HECW1: variants seen among roughly 807,000 people sequenced by gnomAD.
HECW1 encodes the protein E3 ubiquitin-protein ligase HECW1.
A neutral mutation model predicts 182.3 loss-of-function variants in HECW1; 61 were observed. The ratio of observed to expected loss-of-function variants is 0.33; its 90% CI spans 0.27 to 0.41. The LOEUF is 0.41. Ranked by LOEUF, HECW1 falls within the 10% of genes least tolerant of loss-of-function variation. The probability of loss-of-function intolerance (pLI) is 1.00; values close to 1 mark genes in which losing one functional copy is unlikely to be tolerated. For missense variants in HECW1, 1,739 were observed against 2,108.9 expected (o/e 0.82, Z 3.44); for synonymous variants, 859 against 832.6 (o/e 1.03, Z -0.55).
At chr7:43,340,714 G>A (rs144558734) in intron 5 of HECW1, among the ~76,000 whole-genome samples, 4,889 of 151,820 alleles carry the variant, frequency 0.032, 414 homozygotes, top group African/African-American at 0.11. Flanking sequence ...GTTGGTGGGA[G>A]TGTAAACTAG....
intron 2 of HECW1, among the ~76,000 whole-genome samples, chr7:43,131,562 T>G (rs901721887): frequency 1.3e-5 from 2 of 152,228 alleles, no homozygotes; most frequent in Non-Finnish European, 2.9e-5. Context: ...ATAGAAATGA[T>G]TCTCAAAAGC....
At chr7:43,320,968 C>T (rs1810041069) in intron 5 of HECW1, among the ~76,000 whole-genome samples, 1 of 152,174 alleles carries the variant, frequency 6.6e-6, no homozygotes, top group South Asian at 2.1e-4. Context: ...CCTTTAATAC[C>T]AAGAAAGAGT....
intron 5 of HECW1, among the ~76,000 whole-genome samples, chr7:43,333,346 C>T (rs1811728785): frequency 6.6e-6 from 1 of 152,216 alleles, no homozygotes; most frequent in South Asian, 2.1e-4. Flanking sequence ...GAGAAAGTCA[C>T]ATTAAAAGAA....
At chr7:43,187,414 AT>A (rs1417133736) in intron 2 of HECW1, among the ~76,000 whole-genome samples, 1 of 152,110 alleles carries the variant, frequency 6.6e-6, no homozygotes. Context: ...ACATACCATA[AT>A]TTTGGGTAAC....
At chr7:43,526,740 C>T (rs2080772074) in intron 24 of HECW1, among the ~76,000 whole-genome samples, 1 of 152,162 alleles carries the variant, frequency 6.6e-6, no homozygotes, top group Non-Finnish European at 1.5e-5. Context: ...GTGGCTCACG[C>T]CTGTAATCCC....
chr7:43,130,001 T>G (rs142121411), intron 2 of HECW1, among the ~76,000 whole-genome samples: 113 of 152,326 alleles, frequency 7.4e-4, no homozygotes, highest in African/African-American at 2.6e-3. Flanking sequence ...CAATCTGCAG[T>G]TGGTTGAATC....
intron 3 of HECW1, among the ~76,000 whole-genome samples, chr7:43,290,353 T>C (rs1805245652): frequency 6.6e-6 from 1 of 152,262 alleles, no homozygotes; most frequent in African/African-American, 2.4e-5. Context: ...AAAGCCTGTT[T>C]AATGAGATTT....
intron 2 of HECW1, among the ~76,000 whole-genome samples, chr7:43,122,803 T>C (rs1785770349): frequency 6.6e-6 from 1 of 152,134 alleles, no homozygotes; most frequent in Admixed American, 6.5e-5. Context: ...TAAAAATAAG[T>C]CCTATATATC....
At chr7:43,387,011 CA>C (rs1157666034) in intron 6 of HECW1, among the ~76,000 whole-genome samples, 1 of 152,184 alleles carries the variant, frequency 6.6e-6, no homozygotes, top group Non-Finnish European at 1.5e-5. Context: ...GTGTGTATTT[CA>C]AATAGAGTCT....
chr7:43,338,243 T>G (rs1055981535), intron 5 of HECW1, among the ~76,000 whole-genome samples: 2 of 152,190 alleles, frequency 1.3e-5, no homozygotes, highest in African/African-American at 4.8e-5. Context: ...TGGGATAGGC[T>G]TAGAAAGTAC....
At chr7:43,337,977 A>C in intron 5 of HECW1, among the ~76,000 whole-genome samples, 1 of 152,254 alleles carries the variant, frequency 6.6e-6, no homozygotes, top group East Asian at 1.9e-4. Context: ...ATGGCCTGGC[A>C]TATTTATGTG....
chr7:43,463,319 T>C (rs2077651138), intron 13 of HECW1, among the ~76,000 whole-genome samples: 1 of 152,228 alleles, frequency 6.6e-6, no homozygotes, highest in South Asian at 2.1e-4. Flanking sequence ...ATCTTAGTTG[T>C]AGCATTTTAA....
intron 11 of HECW1, among the ~76,000 whole-genome samples, chr7:43,449,799 G>C (rs1277436425): frequency 1.3e-5 from 2 of 152,042 alleles, no homozygotes; most frequent in African/African-American, 4.8e-5. Flanking sequence ...TGAAAAAAGG[G>C]CCATCCTTTG....
At position 43,543,527 on chromosome 7, in the gene HECW1, C is replaced by T. The variant is rs527623270; in HGVS notation, c.4248+1529C>T. ...GGCACGGTGGCTCACGCCTGTAATCCCAGCACTTTGGAAGGCTGAGGTGGG... is the reference window on the plus strand; with the variant it reads ...GGCACGGTGGCTCACGCCTGTAATCTCAGCACTTTGGAAGGCTGAGGTGGG... On this transcript the variant is annotated intron_variant, in intron 26 of 29. Transcript: ENST00000395891. Among the ~76,000 whole-genome samples the T allele has an allele frequency of 1.9e-4, 29 of 152,150 alleles. 2 individuals carry two copies. In the South Asian group the frequency reaches 6.0e-3, roughly 32 times the overall value.
At chr7:43,537,707 T>C (rs929722147) in intron 24 of HECW1, among the ~76,000 whole-genome samples, 25 of 152,228 alleles carry the variant, frequency 1.6e-4, no homozygotes, top group African/African-American at 6.0e-4. Flanking sequence ...TATTTTATGG[T>C]ATATATGGGA....
intron 2 of HECW1, among the ~76,000 whole-genome samples, chr7:43,157,573 T>C (rs573888737): frequency 2.6e-5 from 4 of 152,198 alleles, no homozygotes; most frequent in African/African-American, 9.7e-5. Context: ...TTTTCTTTCT[T>C]TTTTTGAGAC....
chr7:43,144,488 A>G (rs1233789388), intron 2 of HECW1, among the ~76,000 whole-genome samples: 2 of 152,138 alleles, frequency 1.3e-5, no homozygotes, highest in African/African-American at 4.8e-5. Context: ...CCCAAGGGAG[A>G]TTGGACTCTT....
At chr7:43,483,782 C>T (rs544234424) in intron 17 of HECW1, among the ~76,000 whole-genome samples, 1 of 152,178 alleles carries the variant, frequency 6.6e-6, no homozygotes, top group African/African-American at 2.4e-5. Context: ...CTCTTGACCT[C>T]AAGTGATCTG....
intron 5 of HECW1, among the ~76,000 whole-genome samples, chr7:43,338,760 A>G (rs2152798660): frequency 6.6e-6 from 1 of 152,062 alleles, no homozygotes; most frequent in East Asian, 1.9e-4. Context: ...TCACATTTTA[A>G]TCTGTTCTGT....
Sources: gnomAD v4.1 joint callset for allele counts (sites outside exome capture counted in the v4.1 genomes callset) on GRCh38, gnomAD v4.1.1 for gene constraint, MANE v1.5 for transcripts, NCBI Gene and HGNC (gene_info 2026-07-23, HGNC 2026-07-21) for gene names.